DIP2A: variants seen among roughly 807,000 people sequenced by gnomAD.
DIP2A encodes disco-interacting protein 2 homolog A.
DIP2A carries 85 observed loss-of-function variants against 177.4 expected under a neutral mutation model. The ratio of observed to expected loss-of-function variants is 0.48; its 90% CI spans 0.40 to 0.57. DIP2A has a LOEUF of 0.57. Ranked by LOEUF, DIP2A falls within the 20% of genes least tolerant of loss-of-function variation. DIP2A has a pLI of 0.00. For missense variants in DIP2A, 1,791 were observed against 2,100.2 expected, an observed-to-expected ratio of 0.85 and a Z score of 2.88; for synonymous variants, 886 against 881.8, an observed-to-expected ratio of 1.00 and a Z score of -0.08.
At chr21:46,512,290 C>T (rs2058348952) in intron 8 of DIP2A, among the ~76,000 whole-genome samples, 1 of 152,124 alleles carries the variant, frequency 6.6e-6, no homozygotes, top group Admixed American at 6.5e-5. Context: ...ATGTGAGTTT[C>T]TTGGTGAGAA....
At chr21:46,531,034 G>C (rs1223067477) in intron 9 of DIP2A, among the ~76,000 whole-genome samples, 2 of 152,134 alleles carry the variant, frequency 1.3e-5, no homozygotes, top group African/African-American at 4.8e-5. Flanking sequence ...GCACTTTCTT[G>C]TCAAGTTCTT....
chr21:46,499,587 C>T (rs1168919513), intron 5 of DIP2A, among the ~76,000 whole-genome samples: 1 of 152,198 alleles, frequency 6.6e-6, no homozygotes, highest in Non-Finnish European at 1.5e-5. Context: ...TCATATGATG[C>T]ATGGATCTTT....
At chr21:46,548,174 A>ATGTGTGTGTG (rs1360982466) in intron 21 of DIP2A, among the ~76,000 whole-genome samples, 15 of 144,482 alleles carry the variant, frequency 1.0e-4, no homozygotes, top group African/African-American at 4.0e-4. Flanking sequence ...GTGCTCATGC[A>ATGTGTGTGTG]TGTGTGCGTG....
At chr21:46,518,834 G>C (rs1198663733) in intron 8 of DIP2A, among the ~76,000 whole-genome samples, 1 of 152,234 alleles carries the variant, frequency 6.6e-6, no homozygotes, top group Non-Finnish European at 1.5e-5. Flanking sequence ...TGCAGCCTAA[G>C]TGACAGAGCG....
chr21:46,533,206 A>T (rs901796977), intron 10 of DIP2A, among the ~76,000 whole-genome samples: 1 of 152,238 alleles, frequency 6.6e-6, no homozygotes, highest in Non-Finnish European at 1.5e-5. Flanking sequence ...TTTCAATGCC[A>T]TTAACTTTGG....
Position 46,550,534 on chromosome 21 carries a change from C to T in DIP2A, c.2638-9C>T, listed in dbSNP as rs376336930. The stretch of plus-strand genomic sequence containing the variant: ...GGGGCCTGTGCCAAACAGGGTCCTT[C>T]CCTTTCAGGCCATTGATAGCATCCA... On this transcript the variant is annotated splice_polypyrimidine_tract_variant and intron_variant, in intron 22 of 37. Transcript: ENST00000417564. 6.8e-6 allele frequency: 11 copies of T among 1,609,856 alleles called. No homozygotes were observed. In the African/African-American group the frequency reaches 1.2e-4, roughly 18 times the overall value.
At chr21:46,538,819 T>G (rs1250788019) in intron 16 of DIP2A, 2 of 625,796 alleles carry the variant, frequency 3.2e-6, no homozygotes, top group Admixed American at 3.1e-5. Flanking sequence ...AATTTTAATA[T>G]GCTTGATGAA....
rs1261198920 is a variant in DIP2A, at chr21:46,533,618, C to A, written c.1400C>A (p.Ala467Glu). The stretch of plus-strand genomic sequence containing the variant: ...GCTTGTCAGAAAGGCCTCCCCAAGG[C>A]ACAGACAGGAGAGGTGGCAGCTTTC... ...TDACQKGLPK[A>E]QTGEVAAFKG... is the part of the protein sequence containing the mutation. The change falls in exon 11 of 38, where the codon GCA becomes GAA. Residue 467 changes from alanine to glutamate, a missense_variant. Coordinates refer to ENST00000417564, the MANE Select transcript of DIP2A (RefSeq NM_015151.4). 1 of 1,614,040 alleles carries A rather than the reference C, an allele frequency of 6.2e-7. No individual in the cohort carries two copies. Among genetic ancestry groups the A allele is most frequent in the East Asian group, 2.2e-5 (1 of 44,886 alleles).
At chr21:46,468,412 TA>T (rs59835943) in intron 1 of DIP2A, among the ~76,000 whole-genome samples, 78,871 of 142,362 alleles carry the variant, frequency 0.55, 21,773 homozygotes, top group African/African-American at 0.66. Context: ...ATACCCTGTC[TA>T]AAAAAAAAAA....
intron 1 of DIP2A, among the ~76,000 whole-genome samples, chr21:46,480,067 T>G (rs939448550): frequency 2.3e-5 from 3 of 131,350 alleles, no homozygotes; most frequent in Non-Finnish European, 5.2e-5. Context: ...ATTTTTTTTT[T>G]TTTTTGTGTG....
chr21:46,574,365 G>C (rs2060981537), downstream of DIP2A, among the ~76,000 whole-genome samples: 1 of 152,182 alleles, frequency 6.6e-6, no homozygotes, highest in Non-Finnish European at 1.5e-5. Flanking sequence ...AGCTATAAAT[G>C]CTTACATTAA....
chr21:46,497,421 G>A (rs1007704423), intron 4 of DIP2A, among the ~76,000 whole-genome samples: 5 of 152,122 alleles, frequency 3.3e-5, no homozygotes, highest in Non-Finnish European at 7.4e-5. Context: ...CCTAAAATAA[G>A]CACTAAGCTA....
intron 1 of DIP2A, among the ~76,000 whole-genome samples, chr21:46,480,408 G>A (rs772312581): frequency 6.6e-6 from 1 of 152,190 alleles, no homozygotes; most frequent in African/African-American, 2.4e-5. Context: ...CCCATGACAC[G>A]TGGGGATTAT....
chr21:46,511,742 A>C, intron 8 of DIP2A, 128 bp downstream of exon 8: 1 of 984,300 alleles, frequency 1.0e-6, no homozygotes, highest in Non-Finnish European at 1.4e-6. Flanking sequence ...TAAATAGAAC[A>C]TTGACCTATA....
chr21:46,503,325 C>CAAAAAA (rs66982574), intron 5 of DIP2A, among the ~76,000 whole-genome samples: 1 of 101,408 alleles, frequency 9.9e-6, no homozygotes. Context: ...GACTCCATCT[C>CAAAAAA]AAAAAAAAAA....
Position 46,528,568 on chromosome 21 carries a change from T to TTTTTTTTTTTTTTTTTTTTTTA in DIP2A, c.1103-524_1103-523insTTTTTTTTTTTTTTTTTTTTTA, listed in dbSNP as rs1569043246. 6.6e-5 allele frequency among the ~76,000 whole-genome samples: 6 copies of TTTTTTTTTTTTTTTTTTTTTTA among 90,576 alleles called. 1 individual carries two copies. Among genetic ancestry groups the TTTTTTTTTTTTTTTTTTTTTTA allele is most frequent in the Non-Finnish European group, 9.3e-5 (4 of 42,836 alleles). 59.4% of individuals were successfully genotyped at this position (90,576 alleles called of 152,430 possible). On this transcript the variant is annotated intron_variant, in intron 8 of 37. Coordinates refer to ENST00000417564, the MANE Select transcript of DIP2A (RefSeq NM_015151.4). ...TTTTTTTTTTTTTTTTTTTTTTTTT[T>TTTTTTTTTTTTTTTTTTTTTTA]AGATAATGTCTTTATTGCCCAGGCT...
At chr21:46,482,595 G>T (rs2056422058) in intron 1 of DIP2A, among the ~76,000 whole-genome samples, 1 of 152,176 alleles carries the variant, frequency 6.6e-6, no homozygotes, top group African/African-American at 2.4e-5. Flanking sequence ...GCCTCAGGCA[G>T]ACCCTTCGTG....
Position 46,498,925 on chromosome 21 carries a change from C to T in DIP2A, c.655+92C>T, listed in dbSNP as rs1047326755. ...GCAGATGGAGGGCACCTGAGCCAGG[C>T]GCCACCCTGCAGACTTAGCTGCAGG... On this transcript the variant is annotated intron_variant, in intron 5 of 37. Coordinates refer to ENST00000417564, the MANE Select transcript of DIP2A (RefSeq NM_015151.4). The surrounding 1 kb of genome is among the most constrained non-coding windows in gnomAD (Gnocchi z 4.3). The T allele has an allele frequency of 2.9e-5, 42 of 1,442,056 alleles. No individual in the cohort carries two copies. Among genetic ancestry groups the T allele is most frequent in the African/African-American group, 2.0e-4 (14 of 70,456 alleles). The allele number at this position is 1,442,056 out of a possible 1,614,324, so 89.3% of individuals were successfully genotyped here.
chr21:46,537,351 G>C lies in DIP2A; in HGVS notation c.1707+63G>C. ...GGGATTGAGATGAACCCAAGCCTCT[G>C]CCTGAAATGTTGTTGGGAGAGTACA... On this transcript the variant is annotated intron_variant, in intron 14 of 37. Coordinates refer to ENST00000417564, the MANE Select transcript of DIP2A (RefSeq NM_015151.4). This position sits in a 1 kb window ranked among gnomAD's most constrained non-coding sequence, Gnocchi z 4.1. 1.9e-6 allele frequency: 3 copies of C among 1,610,978 alleles called. No homozygotes were observed. Among genetic ancestry groups the C allele is most frequent in the South Asian group, 2.2e-5 (2 of 91,014 alleles).
Sources: gnomAD v4.1 joint callset for allele counts (sites outside exome capture counted in the v4.1 genomes callset) on GRCh38, gnomAD v4.1.1 for gene constraint, Gnocchi (gnomAD v3.1) non-coding constraint, MANE v1.5 for transcripts, NCBI Gene and HGNC (gene_info 2026-07-23, HGNC 2026-07-21) for gene names.